Variants in TMEM87A observed in about 807,000 individuals in gnomAD.
The protein encoded by TMEM87A is transmembrane protein 87A.
Under a neutral mutation model 90.0 loss-of-function variants are expected in TMEM87A, and 50 were observed. That is an observed-to-expected ratio of 0.56 (90% confidence interval 0.44 to 0.70). The LOEUF (loss-of-function observed/expected upper bound fraction) is 0.70. Ranked by LOEUF, TMEM87A falls within the 30% of genes least tolerant of loss-of-function variation. The pLI is 0.00. For missense variants in TMEM87A, 577 were observed against 660.5 expected (o/e 0.87, Z 1.39); for synonymous variants, 226 against 226.7 (o/e 1.00, Z 0.03).
intron 6 of TMEM87A, among the ~76,000 whole-genome samples, chr15:42,260,273 C>T (rs1056861510): frequency 6.6e-6 from 1 of 152,166 alleles, no homozygotes; most frequent in African/African-American, 2.4e-5. Flanking sequence ...TACTTGGAGT[C>T]TGAGGCAGGA....
chr15:42,236,648 G>A (rs538715869), intron 9 of TMEM87A, among the ~76,000 whole-genome samples: 5 of 151,982 alleles, frequency 3.3e-5, no homozygotes, highest in Non-Finnish European at 7.4e-5. Flanking sequence ...CTCCCTCCCC[G>A]ACCTGGCCCC....
At chr15:42,270,633 C>T (rs2051503476) in intron 2 of TMEM87A, among the ~76,000 whole-genome samples, 2 of 152,056 alleles carry the variant, frequency 1.3e-5, no homozygotes, top group South Asian at 4.1e-4. Flanking sequence ...CAAAACACCA[C>T]TAGATCAAAC....
chr15:42,269,667 T>C (rs571415821), intron 2 of TMEM87A, among the ~76,000 whole-genome samples: 5 of 152,300 alleles, frequency 3.3e-5, no homozygotes, highest in Non-Finnish European at 7.4e-5. Context: ...TCGGGCGCGG[T>C]GGCTCACGCC....
chr15:42,266,877 ATT>A (rs934950919), intron 3 of TMEM87A, among the ~76,000 whole-genome samples: 5 of 152,122 alleles, frequency 3.3e-5, no homozygotes, highest in Non-Finnish European at 7.4e-5. Context: ...TAAACTAATC[ATT>A]TTTTCCACGA....
chr15:42,227,900 T>C lies in TMEM87A; in HGVS notation c.1241-131A>G, dbSNP rs143870091. On this transcript the variant is annotated intron_variant, in intron 13 of 19. Transcript: ENST00000389834. The stretch of plus-strand genomic sequence containing the variant: ...AAATACATCACAACTCTATCAGTTA[T>C]TTTAACAAATGTATTCAATACAAAA... 3.4e-5 allele frequency: 25 copies of C among 729,734 alleles called. No individual in the cohort carries two copies. The African/African-American group carries it at 3.7e-4, about 11-fold the overall frequency. The allele number at this position is 729,734 out of a possible 1,614,324, so 45.2% of individuals were successfully genotyped here. A position where few individuals can be genotyped will look rare whatever the true frequency, so the allele number is the denominator to read the frequency against.
intron 6 of TMEM87A, chr15:42,258,468 C>T (rs1021024541): frequency 1.8e-6 from 1 of 541,584 alleles, no homozygotes; most frequent in African/African-American, 2.0e-5. Context: ...CACTGGCTGC[C>T]CAGGCTGGAG....
chr15:42,244,372 A>G (rs180795252), intron 6 of TMEM87A, among the ~76,000 whole-genome samples: 1 of 152,274 alleles, frequency 6.6e-6, no homozygotes, highest in African/African-American at 2.4e-5. Context: ...AAGGCAAGAT[A>G]CCATGTCTTG....
rs752140251 is a variant in TMEM87A, at chr15:42,226,867, G to C, written c.1342C>G (p.Leu448Val). ...ATGACAAAGAGGATCATGGAGAACAGCAAGCGCCAGATGGCATCGTCTACC... is the reference window on the plus strand; with the variant it reads ...ATGACAAAGAGGATCATGGAGAACACCAAGCGCCAGATGGCATCGTCTACC... The part of the protein sequence containing the change: ...LWVDDAIWRL[L>V]FSMILFVIMV... Residue 448 changes from leucine (L) to valine (V), a missense_variant, in exon 15 of 20, where the codon CTG becomes GTG. Physicochemically the swap from Leu to Val is conservative, Grantham distance 32. Coordinates refer to ENST00000389834, the MANE Select transcript of TMEM87A (RefSeq NM_015497.5). 1 of 1,614,130 alleles carries C rather than the reference G, an allele frequency of 6.2e-7. No individual in the cohort carries two copies. Among genetic ancestry groups the C allele is most frequent in the Non-Finnish European group, 8.5e-7 (1 of 1,180,042 alleles).
chr15:42,212,719 T>C (rs2050313253), intron 19 of TMEM87A, among the ~76,000 whole-genome samples: 2 of 152,226 alleles, frequency 1.3e-5, no homozygotes, highest in Non-Finnish European at 2.9e-5. Context: ...AATGATAGTT[T>C]AGTTGAGTAC....
At position 42,225,376 on chromosome 15, in the gene TMEM87A, C is replaced by T. The variant is rs114921906; in HGVS notation, c.1403+1430G>A. Among the ~76,000 whole-genome samples, 404 of 152,162 alleles carry T rather than the reference C, an allele frequency of 2.7e-3. 1 individual carries two copies. Among genetic ancestry groups the T allele is most frequent in the African/African-American group, 9.4e-3 (390 of 41,470 alleles). Reference sequence around the variant, plus strand: ...TGACTGAAATTTGCCTATAGTTGGACAAATCAGATTTACACATACATTTTT... The same window carrying T: ...TGACTGAAATTTGCCTATAGTTGGATAAATCAGATTTACACATACATTTTT... On this transcript the variant is annotated intron_variant, in intron 15 of 19. Transcript: ENST00000389834.
intron 15 of TMEM87A, 90 bp from the exon 16 acceptor site, chr15:42,220,225 C>G: frequency 1.1e-6 from 1 of 883,094 alleles, no homozygotes. Flanking sequence ...ATTATTGAAA[C>G]TGCAATTATA....
intron 12 of TMEM87A, 29 bp downstream of exon 12, chr15:42,231,163 A>G (rs2140933735): frequency 6.3e-7 from 1 of 1,582,784 alleles, no homozygotes; most frequent in Non-Finnish European, 8.6e-7. Flanking sequence ...AAAATGGACC[A>G]TCATCAAACA....
At chr15:42,271,804 A>C (rs1566944974) in intron 2 of TMEM87A, among the ~76,000 whole-genome samples, 1 of 150,816 alleles carries the variant, frequency 6.6e-6, no homozygotes, top group Non-Finnish European at 1.5e-5. Context: ...ATATTAATAT[A>C]TACATTATAT....
chr15:42,248,963 C>A (rs904028539), intron 6 of TMEM87A, among the ~76,000 whole-genome samples: 13 of 152,238 alleles, frequency 8.5e-5, no homozygotes, highest in Admixed American at 3.3e-4. Flanking sequence ...AATTTCAGAA[C>A]CTGTTATTGA....
chr15:42,260,747 G>T (rs1045202523), intron 6 of TMEM87A, among the ~76,000 whole-genome samples: 1 of 152,084 alleles, frequency 6.6e-6, no homozygotes, highest in African/African-American at 2.4e-5. Context: ...CAATACATGT[G>T]TACAGTAGAA....
chr15:42,269,889 T>A (rs1360402896), intron 2 of TMEM87A, among the ~76,000 whole-genome samples: 1 of 130,666 alleles, frequency 7.7e-6, no homozygotes, highest in African/African-American at 2.9e-5. Context: ...TGAGCCGAGA[T>A]TGCGCCACTG....
Position 42,246,563 on chromosome 15 carries a change from G to A in TMEM87A, c.505-2396C>T, listed in dbSNP as rs182182241. On this transcript the variant is annotated intron_variant, in intron 6 of 19. Coordinates refer to ENST00000389834, the MANE Select transcript of TMEM87A (RefSeq NM_015497.5). ...ATGCAGTGTTTGGTTTTCTGTCCTC[G>A]AGAGTTTGCTCAGAATGATGCTTTC... 5.9e-5 allele frequency among the ~76,000 whole-genome samples: 9 copies of A among 152,056 alleles called. No individual in the cohort carries two copies. In the East Asian group the frequency reaches 1.5e-3, roughly 26 times the overall value.
chr15:42,269,590 A>T (rs1279165940), intron 2 of TMEM87A, among the ~76,000 whole-genome samples: 1 of 152,232 alleles, frequency 6.6e-6, no homozygotes, highest in Non-Finnish European at 1.5e-5. Context: ...GGCAGCAAAA[A>T]TACTGCTGTT....
rs1171567337 is a variant in TMEM87A at position 42,264,698 on chromosome 15, TA to T, written c.292-496del. Among the ~76,000 whole-genome samples, 239 of 46,560 alleles carry T rather than the reference TA, an allele frequency of 5.1e-3. 3 individuals are homozygous for T. The highest frequency in any genetic ancestry group is 0.013 in the African/African-American group (229 of 18,156). The allele number at this position is 46,560 out of a possible 152,430, so 30.5% of individuals were successfully genotyped here. On this transcript the variant is annotated intron_variant, in intron 3 of 19. Coordinates refer to ENST00000389834, the MANE Select transcript of TMEM87A (RefSeq NM_015497.5). ...ATATGTGTGTGTATATATATATATA[TA>T]TTTTTTTTTTAACTTTTATTTTAGG...
Sources: allele counts gnomAD v4.1 joint callset (sites outside exome capture counted in the v4.1 genomes callset), GRCh38; gene constraint gnomAD v4.1.1; transcripts MANE v1.5; gene names NCBI Gene and HGNC (gene_info 2026-07-23, HGNC 2026-07-21).